Variants in JAK2 observed in about 807,000 individuals in gnomAD.
JAK2 encodes the protein tyrosine-protein kinase JAK2.
JAK2 carries 86 observed loss-of-function variants against 139.3 expected under a neutral mutation model. That is an observed-to-expected ratio of 0.62 (90% confidence interval 0.52 to 0.74). The LOEUF (loss-of-function observed/expected upper bound fraction) is 0.74, where lower values mean the gene tolerates loss of function less well. Ranked by LOEUF, JAK2 falls within the 30% of genes least tolerant of loss-of-function variation. The pLI, the probability that JAK2 is intolerant of heterozygous loss-of-function variation, is 0.00. For missense variants in JAK2, 1,421 were observed against 1,360.3 expected (o/e 1.04, Z -0.70); for synonymous variants, 490 against 437.7 (o/e 1.12, Z -1.49).
intron 18 of JAK2, among the ~76,000 whole-genome samples, chr9:5,081,452 A>C (rs1819696283): frequency 6.6e-6 from 1 of 152,186 alleles, no homozygotes; most frequent in Non-Finnish European, 1.5e-5. Context: ...CCTTTCTCAC[A>C]ATAAGTATCA....
Position 5,127,611 on chromosome 9 carries a change from T to A in JAK2, c.*820T>A, listed in dbSNP as rs1369753785. 1 of 231,922 alleles carries A rather than the reference T, an allele frequency of 4.3e-6. No individual in the cohort carries two copies. Among genetic ancestry groups the A allele is most frequent in the Non-Finnish European group, 8.6e-6 (1 of 116,858 alleles). 14.4% of individuals were successfully genotyped at this position (231,922 alleles called of 1,614,324 possible). ...TTTCTAAGACTACTATGAACAGTTT[T>A]CTTTTAAAATTTTGAGATTAAGAAT... On this transcript the variant is annotated 3_prime_UTR_variant, in exon 25 of 25. Coordinates refer to ENST00000381652, the MANE Select transcript of JAK2 (RefSeq NM_004972.4).
chr9:5,089,307 G>T (rs1303038728), intron 19 of JAK2, among the ~76,000 whole-genome samples: 3 of 152,092 alleles, frequency 2.0e-5, no homozygotes, highest in Non-Finnish European at 4.4e-5. Context: ...GGGAGGCCGA[G>T]TTGGGTGGAT....
intron 8 of JAK2, among the ~76,000 whole-genome samples, chr9:5,059,020 G>GA (rs1284976401): frequency 5.9e-5 from 9 of 152,098 alleles, no homozygotes; most frequent in African/African-American, 2.2e-4. Flanking sequence ...ATGCGCAGAT[G>GA]TTTTAAAGTT....
intron 8 of JAK2, among the ~76,000 whole-genome samples, chr9:5,058,702 T>A (rs1817945593): frequency 6.6e-6 from 1 of 152,184 alleles, no homozygotes; most frequent in Non-Finnish European, 1.5e-5. Context: ...CATCAAAACT[T>A]GTTATTTTCT....
chr9:5,066,673 T>G lies in JAK2; in HGVS notation c.1215-5T>G. 1 of 1,530,788 alleles carries G rather than the reference T, an allele frequency of 6.5e-7. No homozygotes were observed. The highest frequency in any genetic ancestry group is 2.3e-5 in the East Asian group (1 of 44,282). The allele number at this position is 1,530,788 out of a possible 1,614,324, so 94.8% of individuals were successfully genotyped here. A position where few individuals can be genotyped will look rare whatever the true frequency, so the allele number is the denominator to read the frequency against. ...TTATTCAAATTGCTTCTTCTTTACC[T>G]TTAGGATGGATTTTGCCATTAGTAA... On this transcript the variant is annotated splice_polypyrimidine_tract_variant and splice_region_variant and intron_variant, in intron 9 of 24. Coordinates refer to ENST00000381652, the MANE Select transcript of JAK2 (RefSeq NM_004972.4).
chr9:5,118,738 C>T (rs1287559594), intron 22 of JAK2, among the ~76,000 whole-genome samples: 1 of 152,144 alleles, frequency 6.6e-6, no homozygotes, highest in Admixed American at 6.5e-5. Context: ...TCATTCATTT[C>T]TATGACGCCT....
chr9:5,004,220 C>T (rs1821117573), intron 2 of JAK2, among the ~76,000 whole-genome samples: 1 of 152,124 alleles, frequency 6.6e-6, no homozygotes, highest in Non-Finnish European at 1.5e-5. Flanking sequence ...TACAATAGAT[C>T]TCTTCAGTTT....
At chr9:5,075,430 T>C (rs901028608) in intron 14 of JAK2, among the ~76,000 whole-genome samples, 3 of 151,818 alleles carry the variant, frequency 2.0e-5, no homozygotes, top group Non-Finnish European at 3.0e-5. Context: ...GCCAATGCCA[T>C]TGGTGATTTG....
intron 4 of JAK2, among the ~76,000 whole-genome samples, chr9:5,037,601 G>A (rs12002850): frequency 0.09 from 13,660 of 151,904 alleles, 1,848 homozygotes; most frequent in African/African-American, 0.3. Context: ...GCAAACTATC[G>A]CAAGGACAAA....
At chr9:5,123,148 G>T in intron 23 of JAK2, 27 bp downstream of exon 23, 1 of 1,451,834 alleles carries the variant, frequency 6.9e-7, no homozygotes, top group Non-Finnish European at 9.5e-7. Context: ...TTTACTTTCA[G>T]TTTTTTGTTT....
chr9:5,116,790 G>C (rs1823223042), intron 22 of JAK2, among the ~76,000 whole-genome samples: 1 of 152,126 alleles, frequency 6.6e-6, no homozygotes, highest in Admixed American at 6.5e-5. Flanking sequence ...TCAACTGACA[G>C]GTCCACTACC....
At chr9:5,108,149 C>T (rs992185199) in intron 22 of JAK2, 1 of 152,062 alleles carries the variant, frequency 6.6e-6, no homozygotes, top group Non-Finnish European at 1.5e-5. Flanking sequence ...CTTTTATAAT[C>T]CTAGCAAGCC....
At chr9:5,037,561 C>T (rs902756428) in intron 4 of JAK2, among the ~76,000 whole-genome samples, 3 of 152,124 alleles carry the variant, frequency 2.0e-5, no homozygotes, top group African/African-American at 7.2e-5. Context: ...TTTGTAGGGA[C>T]ATGGATGAAG....
intron 4 of JAK2, among the ~76,000 whole-genome samples, chr9:5,039,400 A>G (rs995354651): frequency 6.6e-6 from 1 of 152,164 alleles, no homozygotes; most frequent in African/African-American, 2.4e-5. Context: ...GGTATTATAA[A>G]TAGTCTAGAG....
chr9:5,087,094 T>C (rs1481017157), intron 19 of JAK2, among the ~76,000 whole-genome samples: 1 of 152,212 alleles, frequency 6.6e-6, no homozygotes, highest in Non-Finnish European at 1.5e-5. Flanking sequence ...CAACATTGGT[T>C]AGGCACTTAT....
At chr9:5,007,626 G>A (rs747069783) in intron 2 of JAK2, among the ~76,000 whole-genome samples, 4 of 151,768 alleles carry the variant, frequency 2.6e-5, no homozygotes, top group Non-Finnish European at 5.9e-5. Flanking sequence ...TTAGGTTGAC[G>A]CTAAAGTAAT....
At position 5,129,604 on chromosome 9, in the gene JAK2, AG is replaced by A. The variant is rs1353570017; in HGVS notation, c.*2815del. The stretch of plus-strand genomic sequence containing the variant: ...AGCAGGATTATCCAAACAAAAGACT[AG>A]GTTTTATGAGATAAGCTTGATTTAA... On this transcript the variant is annotated 3_prime_UTR_variant, in exon 25 of 25. Transcript: ENST00000381652. Among the ~76,000 whole-genome samples, 3 of 152,166 alleles carry A rather than the reference AG, an allele frequency of 2.0e-5. No homozygotes were observed. Among genetic ancestry groups the A allele is most frequent in the African/African-American group, 7.2e-5 (3 of 41,450 alleles).
intron 22 of JAK2, among the ~76,000 whole-genome samples, chr9:5,115,894 C>A (rs531693826): frequency 6.6e-6 from 1 of 152,070 alleles, no homozygotes; most frequent in East Asian, 1.9e-4. Context: ...ACATCACACA[C>A]CAGGGCCTGT....
At chr9:5,025,804 C>G (rs1822748504) in intron 3 of JAK2, among the ~76,000 whole-genome samples, 1 of 152,070 alleles carries the variant, frequency 6.6e-6, no homozygotes, top group Non-Finnish European at 1.5e-5. Flanking sequence ...AGTGTGTGAG[C>G]CACTGCACCC....
Sources: allele counts gnomAD v4.1 joint callset (sites outside exome capture counted in the v4.1 genomes callset), GRCh38; gene constraint gnomAD v4.1.1; transcripts MANE v1.5; gene names NCBI Gene and HGNC (gene_info 2026-07-23, HGNC 2026-07-21).